KMT2D: variants seen among roughly 807,000 people sequenced by gnomAD.
KMT2D encodes the protein lysine methyltransferase 2D.
In KMT2D, 55 loss-of-function variants were observed where a neutral mutation model predicts 512.7. The observed-to-expected ratio is 0.11, with a 90% CI of 0.09 to 0.13. The LOEUF is 0.13. KMT2D is among the 10% of genes least tolerant of loss of function. The pLI is 1.00. For synonymous variants in KMT2D, 2,995 were observed against 2,904.0 expected (o/e 1.03, Z -1.01); for missense variants, 6,061 against 7,127.9 (o/e 0.85, Z 5.39).
rs2120491665 is a variant in KMT2D at position 49,038,193 on chromosome 12, G to C, written c.9163C>G (p.Pro3055Ala). Residue 3055 changes from proline (P) to alanine (A), a missense_variant, in exon 35 of 55, where the codon CCT (proline) becomes GCT (alanine). By Grantham distance (27) the Pro-to-Ala change is conservative. This residue lies in a region of KMT2D where 21 missense variants were observed against 74.3 expected (regional missense o/e 0.28). Coordinates refer to ENST00000301067, the MANE Select transcript of KMT2D (RefSeq NM_003482.4). The surrounding 1 kb of genome is among the most constrained non-coding windows in gnomAD (Gnocchi z 5.7). ...TTCTTGTCCCCAGTGTCCAGCTCAGGATCAGTATATGCCAGCAGGTCAAAC... is the reference window on the plus strand; with the variant it reads ...TTCTTGTCCCCAGTGTCCAGCTCAGCATCAGTATATGCCAGCAGGTCAAAC... Reference protein sequence around the residue: ...DEFDLLAYTDPELDTGDKKDI... With the variant: ...DEFDLLAYTDAELDTGDKKDI... 6.2e-7 allele frequency: 1 copy of C among 1,613,822 alleles called. No homozygotes were observed. The highest frequency in any genetic ancestry group is 8.5e-7 in the Non-Finnish European group (1 of 1,179,884).
Position 49,039,310 on chromosome 12 carries a change from T to C in KMT2D, c.8278A>G (p.Ile2760Val). ...GLPPSKLSGP[I>V]LGPGSFPSDD... ...CTAGGGAAGGACCCTGGCCCCAGGA[T>C]GGGGCCACTCAGCTTGCTTGGGGGC... The change falls in exon 34 of 55, where the codon ATC becomes GTC. Residue 2760 changes from isoleucine to valine, a missense_variant. Ile to Val is a conservative substitution (Grantham distance 29). This residue lies in a region of KMT2D where 527 missense variants were observed against 578.9 expected (regional missense o/e 0.91). Coordinates refer to ENST00000301067, the MANE Select transcript of KMT2D (RefSeq NM_003482.4). This position sits in a 1 kb window ranked among gnomAD's most constrained non-coding sequence, Gnocchi z 5.0. 1 of 1,613,746 alleles carries C rather than the reference T, an allele frequency of 6.2e-7. No individual in the cohort carries two copies.
Position 49,038,506 on chromosome 12 carries a change from G to C in KMT2D, c.8850C>G (p.Pro2950=), listed in dbSNP as rs1424738868. Residue 2950 remains proline, a synonymous_variant, in exon 35 of 55, where the codon CCC becomes CCG. Transcript: ENST00000301067. The surrounding 1 kb of genome is among the most constrained non-coding windows in gnomAD (Gnocchi z 5.7). ...TTGGCAGGGTAGGACCCTTGGTGTG[G>C]GGTGTTGGATGAAGACTGTTGTTCA... ...PELNNSLHPT[P]HTKGPTLPTG... 4.4e-6 allele frequency: 7 copies of C among 1,607,056 alleles called. No homozygotes were observed. The highest frequency in any genetic ancestry group is 6.0e-6 in the Non-Finnish European group (7 of 1,174,964).
chr12:49,057,208 G>A (rs995382691), intron 1 of KMT2D, among the ~76,000 whole-genome samples: 9 of 152,144 alleles, frequency 5.9e-5, no homozygotes, highest in Admixed American at 5.2e-4. Flanking sequence ...GGCCACACCC[G>A]GAAGGTCCAA....
rs756297632 is a variant in KMT2D at position 49,050,699 on chromosome 12, G to A, written c.2889C>T (p.Ala963=). The A allele has an allele frequency of 6.2e-7, 1 of 1,613,622 alleles. No homozygotes were observed. ...GTGACTCAGGGTCACTGTCCCCTTT[G>A]GCACCAAAGGGGTACTCTAACTCCC... The part of the protein sequence containing the change: ...PLGELEYPFG[A]KGDSDPESPL... The change falls in exon 12 of 55, where the codon GCC becomes GCT. Residue 963 remains alanine (A), a synonymous_variant. Transcript: ENST00000301067.
Position 49,040,494 on chromosome 12 carries a change from T to C in KMT2D, c.7276A>G (p.Thr2426Ala), listed in dbSNP as rs2120529868. The change falls in exon 32 of 55, where the codon ACA becomes GCA. Residue 2426 changes from threonine to alanine, a missense_variant. Around this residue, in one of 16 missense-constraint regions of KMT2D, gnomAD observed 710 missense variants for 647.3 expected, o/e 1.10. Transcript: ENST00000301067. ...QSQSSSQSPL[T>A]PRPLSAEAFC... ...GCTTCAGCAGACAGAGGCCGGGGTGTCAGTGGAGACTGGGAGCTGGACTGG... is the reference window on the plus strand; with the variant it reads ...GCTTCAGCAGACAGAGGCCGGGGTGCCAGTGGAGACTGGGAGCTGGACTGG... 1 of 1,582,074 alleles carries C rather than the reference T, an allele frequency of 6.3e-7. No homozygotes were observed. The highest frequency in any genetic ancestry group is 8.6e-7 in the Non-Finnish European group (1 of 1,161,992).
In KMT2D at chr12:49,040,362, G is replaced by T. The variant is rs780647440; in HGVS notation, c.7408C>A (p.Pro2470Thr). The T allele has an allele frequency of 1.3e-6, 2 of 1,566,138 alleles. No homozygotes were observed. Among genetic ancestry groups the T allele is most frequent in the African/African-American group, 2.7e-5 (2 of 73,456 alleles). Residue 2470 changes from proline (P) to threonine (T), a missense_variant, in exon 32 of 55, where the codon CCC becomes ACC. Around this residue, in one of 16 missense-constraint regions of KMT2D, gnomAD observed 710 missense variants for 647.3 expected, o/e 1.10. Transcript: ENST00000301067. ...RDPFAPLHKP[P>T]RPQPPEVAFK... ...GCAACTTCAGGGGGCTGGGGTCGGG[G>T]TGGCTTATGCAATGGGGCAAATGGG... is the stretch of plus-strand genomic sequence containing the variant.
rs777005737 is a variant in KMT2D, at chr12:49,024,748, T to C, written c.15922-40A>G. ...CATACTCACCTTAGCCTGAGTTTTT[T>C]TGGGGTTAGGCCAAAGTTCTCAGTG... On this transcript the variant is annotated intron_variant, in intron 50 of 54. Coordinates refer to ENST00000301067, the MANE Select transcript of KMT2D (RefSeq NM_003482.4). The surrounding 1 kb of genome is among the most constrained non-coding windows in gnomAD (Gnocchi z 4.5). 6.2e-6 allele frequency: 10 copies of C among 1,609,060 alleles called. No individual in the cohort carries two copies. The highest frequency in any genetic ancestry group is 3.3e-5 in the Admixed American group (2 of 59,798).
rs928931317 is a variant in KMT2D, at chr12:49,022,417, G to C, written c.16339-64C>G. The C allele has an allele frequency of 2.6e-6, 4 of 1,534,188 alleles. No individual in the cohort carries two copies. Among genetic ancestry groups the C allele is most frequent in the Non-Finnish European group, 3.6e-6 (4 of 1,119,754 alleles). Reference sequence around the variant, plus strand: ...TCAGAGAGTGGCAGTGGTGGCTGTGGGATCAGGTAGGAGACTCAGGCAGTG... The same window carrying C: ...TCAGAGAGTGGCAGTGGTGGCTGTGCGATCAGGTAGGAGACTCAGGCAGTG... On this transcript the variant is annotated intron_variant, in intron 52 of 54. Coordinates refer to ENST00000301067, the MANE Select transcript of KMT2D (RefSeq NM_003482.4). The surrounding 1 kb of genome is among the most constrained non-coding windows in gnomAD (Gnocchi z 8.6).
In KMT2D at chr12:49,042,032, G is replaced by A. The variant is rs1276613568; in HGVS notation, c.6110-42C>T. The A allele has an allele frequency of 8.1e-6, 13 of 1,611,776 alleles. No individual in the cohort carries two copies. In the East Asian group the frequency reaches 1.1e-4, roughly 14 times the overall value. Reference sequence around the variant, plus strand: ...GTGAGTCAGAGAAGACTTGGCAGGCGACTCCTCCACCTGCCATGTTGCCAG... The same window carrying A: ...GTGAGTCAGAGAAGACTTGGCAGGCAACTCCTCCACCTGCCATGTTGCCAG... On this transcript the variant is annotated intron_variant, in intron 29 of 54. Coordinates refer to ENST00000301067, the MANE Select transcript of KMT2D (RefSeq NM_003482.4). The surrounding 1 kb of genome is among the most constrained non-coding windows in gnomAD (Gnocchi z 4.4).
chr12:49,046,006 G>A lies in KMT2D; in HGVS notation c.4694-39C>T, dbSNP rs2120598204. On this transcript the variant is annotated intron_variant, in intron 18 of 54. Transcript: ENST00000301067. The surrounding 1 kb of genome is among the most constrained non-coding windows in gnomAD (Gnocchi z 4.2). Reference sequence around the variant, plus strand: ...GACAAACGGAGGTGGCTGAGGTCCTGTCCCAAAGCAAGGTACCCCTGCTCT... The same window carrying A: ...GACAAACGGAGGTGGCTGAGGTCCTATCCCAAAGCAAGGTACCCCTGCTCT... 1.2e-6 allele frequency: 2 copies of A among 1,613,534 alleles called. No individual in the cohort carries two copies. Among genetic ancestry groups the A allele is most frequent in the South Asian group, 2.2e-5 (2 of 91,012 alleles).
intron 15 of KMT2D, among the ~76,000 whole-genome samples, chr12:49,047,205 G>A (rs998911437): frequency 1.3e-5 from 2 of 151,850 alleles, no homozygotes; most frequent in African/African-American, 4.8e-5. Flanking sequence ...CAGAGACTAG[G>A]CCTCCATTTG....
chr12:49,029,134 G>A lies in KMT2D; in HGVS notation c.14178C>T (p.Gly4726=). The A allele has an allele frequency of 1.9e-6, 3 of 1,613,780 alleles. No individual in the cohort carries two copies. Among genetic ancestry groups the A allele is most frequent in the Non-Finnish European group, 2.5e-6 (3 of 1,179,716 alleles). Residue 4726 remains glycine (G), a synonymous_variant, in exon 45 of 55, where the codon GGC becomes GGT. Transcript: ENST00000301067. ...GEEAPRFPHL[G]SGRWEQEDRA... Reference sequence around the variant, plus strand: ...GGTCCTCTTGCTCCCACCGGCCTGAGCCCAGATGAGGGAAACGAGGGGCCT... The same window carrying A: ...GGTCCTCTTGCTCCCACCGGCCTGAACCCAGATGAGGGAAACGAGGGGCCT...
chr12:49,060,729 G>A lies in KMT2D; in HGVS notation c.-1154C>T, dbSNP rs1022710534. ...AGATCCGGGGGGGCCTTTTGCCCGG[G>A]GCACCCCACTCGAGAGGGGGAGAAA... is the stretch of plus-strand genomic sequence containing the variant. On this transcript the variant is annotated 5_prime_UTR_variant, in exon 1 of 55. Coordinates refer to ENST00000301067, the MANE Select transcript of KMT2D (RefSeq NM_003482.4). 1.1e-4 allele frequency among the ~76,000 whole-genome samples: 16 copies of A among 152,260 alleles called. No homozygotes were observed. The highest frequency in any genetic ancestry group is 1.8e-4 in the Non-Finnish European group (12 of 68,050).
chr12:49,037,068 T>C (rs746029331), intron 35 of KMT2D, 57 bp downstream of exon 35: 2 of 1,517,676 alleles, frequency 1.3e-6, no homozygotes, highest in Non-Finnish European at 1.8e-6. Flanking sequence ...TCAGTGCCCA[T>C]TTAGGGATAA....
chr12:49,049,600 T>C, intron 12 of KMT2D, 82 bp downstream of exon 12: 6 of 1,407,998 alleles, frequency 4.3e-6, no homozygotes, highest in East Asian at 2.4e-5. Flanking sequence ...CAAAGCAAGG[T>C]GGGAAAGTAT....
Position 49,042,222 on chromosome 12 carries a change from C to T in KMT2D, c.5976G>A (p.Glu1992=), listed in dbSNP as rs77794669. The change falls in exon 29 of 55, where the codon GAG becomes GAA. Residue 1992 remains glutamate (E), a synonymous_variant. Coordinates refer to ENST00000301067, the MANE Select transcript of KMT2D (RefSeq NM_003482.4). The surrounding 1 kb of genome is among the most constrained non-coding windows in gnomAD (Gnocchi z 4.4). ...GCTGGTTATAGGAGAGTCCGTCGCC[C>T]TCACCCTCCGTGGTGGGGGTTGTGG... ...STPTTPTTEG[E]GDGLSYNQRS... The T allele has an allele frequency of 2.0e-3, 3,216 of 1,599,430 alleles. 64 individuals carry two copies. In the African/African-American group the frequency reaches 0.036, roughly 18 times the overall value.
At chr12:49,035,056 A>G (rs1943149188) in intron 35 of KMT2D, 121 bp from the exon 36 acceptor site, 1 of 1,246,166 alleles carries the variant, frequency 8.0e-7, no homozygotes, top group Admixed American at 2.1e-5. Flanking sequence ...GGCAAGGCAG[A>G]AAGACCACTG....
At chr12:49,029,530 G>T in intron 43 of KMT2D, 54 bp from the exon 44 acceptor site, 1 of 1,323,294 alleles carries the variant, frequency 7.6e-7, no homozygotes, top group Non-Finnish European at 1.1e-6. Flanking sequence ...AGGGCTGATG[G>T]TACCTTCTCC....
At position 49,040,099 on chromosome 12, in the gene KMT2D, C is replaced by T. The variant is rs545623417; in HGVS notation, c.7671G>A (p.Pro2557=). 97 of 1,613,792 alleles carry T rather than the reference C, an allele frequency of 6.0e-5. 6 individuals are homozygous for T. The South Asian group carries it at 1.0e-3, about 17-fold the overall frequency. The change falls in exon 32 of 55, where the codon CCG becomes CCA. Residue 2557 remains proline (P), a synonymous_variant. Coordinates refer to ENST00000301067, the MANE Select transcript of KMT2D (RefSeq NM_003482.4). The part of the protein sequence containing the change: ...LKPPVPQPGL[P]PPHGINSHFG... ...AATGGCTGTTGATCCCATGGGGTGG[C>T]GGGAGACCAGGCTGAGGGACAGGGG...
Sources: gnomAD v4.1 joint callset for allele counts (sites outside exome capture counted in the v4.1 genomes callset) on GRCh38, gnomAD v4.1.1 for gene constraint, gnomAD v4.1.1 regional missense constraint, Gnocchi (gnomAD v3.1) non-coding constraint, MANE v1.5 for transcripts, NCBI Gene and HGNC (gene_info 2026-07-23, HGNC 2026-07-21) for gene names.